MATK: variants seen among roughly 807,000 people sequenced by gnomAD.
MATK encodes the protein megakaryocyte-associated tyrosine-protein kinase.
A neutral mutation model predicts 59.8 loss-of-function variants in MATK; 41 were observed. That is an observed-to-expected ratio of 0.69 (90% CI 0.53 to 0.89). The LOEUF (loss-of-function observed/expected upper bound fraction) is 0.89, where lower values mean the gene tolerates loss of function less well. MATK is among the 40% of genes least tolerant of loss of function. The pLI, the probability that MATK is intolerant of heterozygous loss-of-function variation, is 0.00. For synonymous variants in MATK, 308 were observed against 306.1 expected (o/e 1.01, Z -0.06); for missense variants, 593 against 719.6 (o/e 0.82, Z 2.01).
intron 1 of MATK, among the ~76,000 whole-genome samples, chr19:3,794,894 C>G (rs923445384): frequency 1.3e-5 from 2 of 151,920 alleles, no homozygotes; most frequent in Non-Finnish European, 2.9e-5. Context: ...ACACAGAAGC[C>G]AAAGACCGTG....
chr19:3,789,293 G>C (rs146700809), upstream of MATK: 16 of 779,194 alleles, frequency 2.1e-5, no homozygotes, highest in South Asian at 4.0e-5. Flanking sequence ...TGCTGACCAC[G>C]GGTCCCTCGC....
At chr19:3,784,549 T>C (rs1217110334) in intron 3 of MATK, 98 bp from the exon 4 acceptor site, 17 of 811,778 alleles carry the variant, frequency 2.1e-5, no homozygotes, top group Non-Finnish European at 2.7e-5. Flanking sequence ...GAGAAAGGTA[T>C]AGAGATTGGA....
At position 3,798,362 on chromosome 19, in the gene MATK, T is replaced by C. The variant is rs1457632661; in HGVS notation, c.-58+3170A>G. On this transcript the variant is annotated intron_variant, in intron 1 of 13. Coordinates refer to the MATK transcript ENST00000395045. Reference sequence around the variant, plus strand: ...ACCACAGGGCGGCCTCACTGTGGGGTGGTTGGCGGGTGGGGGTGGGGGTCA... The same window carrying C: ...ACCACAGGGCGGCCTCACTGTGGGGCGGTTGGCGGGTGGGGGTGGGGGTCA... Among the ~76,000 whole-genome samples the C allele has an allele frequency of 9.3e-5, 9 of 96,442 alleles. No individual in the cohort carries two copies. The East Asian group carries it at 2.6e-3, about 28-fold the overall frequency. 63.3% of individuals were successfully genotyped at this position (96,442 alleles called of 152,430 possible).
At chr19:3,780,062 C>T (rs1330758947) in intron 8 of MATK, among the ~76,000 whole-genome samples, 2 of 152,196 alleles carry the variant, frequency 1.3e-5, no homozygotes, top group Non-Finnish European at 2.9e-5. Flanking sequence ...AGGCGGATCA[C>T]CTGAGGTCAG....
intron 7 of MATK, 133 bp downstream of exon 7, chr19:3,782,990 GTCT>G: frequency 2.7e-6 from 2 of 735,696 alleles, no homozygotes; most frequent in Non-Finnish European, 4.6e-6. Context: ...GGCAGCCCAG[GTCT>G]TCTATCCCAT....
chr19:3,783,002 A>C, intron 7 of MATK, 124 bp downstream of exon 7: 4 of 826,502 alleles, frequency 4.8e-6, no homozygotes, highest in Non-Finnish European at 7.9e-6. Context: ...CTTCTATCCC[A>C]TAGCTGGGCA....
chr19:3,778,841 G>T, intron 12 of MATK, 151 bp downstream of exon 12: 1 of 873,458 alleles, frequency 1.1e-6, no homozygotes, highest in Non-Finnish European at 1.7e-6. Flanking sequence ...CCCAGAGGGG[G>T]GCTACGAGGA....
upstream of MATK, chr19:3,789,345 C>A (rs755101262): frequency 1.3e-6 from 1 of 773,842 alleles, no homozygotes; most frequent in South Asian, 1.4e-5. Context: ...AATGTCCCTG[C>A]ATGAGAGGGA....
chr19:3,799,683 A>C (rs2037625789), intron 1 of MATK, among the ~76,000 whole-genome samples: 1 of 151,730 alleles, frequency 6.6e-6, no homozygotes, highest in African/African-American at 2.4e-5. Flanking sequence ...CTGCTAAAAT[A>C]CAAAAAAATT....
In MATK at chr19:3,778,612, G is replaced by T; in HGVS notation, c.1198-17C>A. ...GGTGAACTTCTGTGGGGCCCGAGAC[G>T]GGGGTGAGGAGGGACCCCTCAGGTT... On this transcript the variant is annotated splice_polypyrimidine_tract_variant and intron_variant, in intron 12 of 13. Transcript: ENST00000310132. The T allele has an allele frequency of 6.3e-7, 1 of 1,599,740 alleles. No homozygotes were observed.
chr19:3,788,099 T>A (rs74178434), upstream of MATK, among the ~76,000 whole-genome samples: 9,476 of 64,512 alleles, frequency 0.15, 346 homozygotes, highest in Non-Finnish European at 0.18. Context: ...TATTAATATT[T>A]ATATTATATT....
At chr19:3,788,925 A>G (rs1294535525), upstream of MATK, among the ~76,000 whole-genome samples, 1 of 152,164 alleles carries the variant, frequency 6.6e-6, no homozygotes, top group Non-Finnish European at 1.5e-5. Context: ...TCCTGACCTC[A>G]GGTGATCTAC....
chr19:3,783,968 A>G lies in MATK; in HGVS notation c.428T>C (p.Leu143Pro). The G allele has an allele frequency of 6.2e-7, 1 of 1,612,284 alleles. No homozygotes were observed. Among genetic ancestry groups the G allele is most frequent in the Non-Finnish European group, 8.5e-7 (1 of 1,179,584 alleles). Residue 143 changes from leucine to proline, a missense_variant, in exon 6 of 14, where the codon CTG (leucine) becomes CCG (proline). By Grantham distance (98) the Leu-to-Pro change is moderately conservative. Coordinates refer to ENST00000310132, the MANE Select transcript of MATK (RefSeq NM_139355.3). The part of the protein sequence containing the change: ...VQQLQPPEDG[L>P]FLVRESARHP... The stretch of plus-strand genomic sequence containing the variant: ...GCGCGCGGACTCCCGCACCAGGAAC[A>G]GCCCATCCTCGGGAGGCTGCAGCTG...
At chr19:3,795,008 C>A (rs1025525473) in intron 1 of MATK, among the ~76,000 whole-genome samples, 12 of 122,452 alleles carry the variant, frequency 9.8e-5, no homozygotes, top group African/African-American at 3.6e-4. Context: ...GCTGGAGTCT[C>A]GCTCTGTTGC....
chr19:3,793,689 G>C (rs944846334), intron 1 of MATK, among the ~76,000 whole-genome samples: 13 of 150,158 alleles, frequency 8.7e-5, no homozygotes, highest in African/African-American at 3.2e-4. Context: ...GCGACAGAGT[G>C]GAGACTCCAT....
Position 3,779,003 on chromosome 19 carries a change from G to C in MATK, c.1186C>G (p.Leu396Val). 6.4e-7 allele frequency: 1 copy of C among 1,562,856 alleles called. No homozygotes were observed. The change falls in exon 12 of 14, where the codon CTC (leucine) becomes GTC (valine). Residue 396 changes from leucine to valine, a missense_variant. Coordinates refer to ENST00000310132, the MANE Select transcript of MATK (RefSeq NM_139355.3). ...LPVKWTAPEA[L>V]KHGKFTSKSD... ...AAGGCAGGGCTCACCCCGTGTTTGA[G>C]AGCCTCGGGCGCCGTCCACTTGACG...
At chr19:3,781,496 G>C (rs1599196497) in intron 8 of MATK, 111 bp downstream of exon 8, 1 of 1,136,456 alleles carries the variant, frequency 8.8e-7, no homozygotes, top group East Asian at 2.4e-5. Context: ...GTCTTCAGCT[G>C]CACAACTAGT....
At chr19:3,781,141 G>A (rs999772026) in intron 8 of MATK, among the ~76,000 whole-genome samples, 2 of 152,092 alleles carry the variant, frequency 1.3e-5, no homozygotes, top group East Asian at 3.9e-4. Context: ...TCATGGCCAC[G>A]CCCATATGTT....
intron 6 of MATK, 131 bp downstream of exon 6, chr19:3,783,683 G>T: frequency 1.3e-6 from 1 of 774,730 alleles, no homozygotes; most frequent in Non-Finnish European, 2.1e-6. Context: ...AGGTAGGGAT[G>T]GTGTCTGCCC....
Sources: allele counts gnomAD v4.1 joint callset (sites outside exome capture counted in the v4.1 genomes callset), GRCh38; gene constraint gnomAD v4.1.1; transcripts MANE v1.5; gene names NCBI Gene and HGNC (gene_info 2026-07-23, HGNC 2026-07-21).